Variants in CASZ1 observed in about 807,000 individuals in gnomAD.
The protein encoded by CASZ1 is zinc finger protein castor homolog 1.
Under a neutral mutation model 135.2 loss-of-function variants are expected in CASZ1, and 28 were observed. The observed-to-expected ratio is 0.21, with a 90% CI of 0.15 to 0.28. CASZ1 has a LOEUF of 0.28. CASZ1 is among the 10% of genes least tolerant of loss of function. The pLI, the probability that CASZ1 is intolerant of heterozygous loss-of-function variation, is 1.00. For synonymous variants in CASZ1, 1,068 were observed against 1,073.4 expected (o/e 0.99, Z 0.10); for missense variants, 2,161 against 2,453.3 (o/e 0.88, Z 2.52).
rs1286196992 is a variant in CASZ1, at chr1:10,758,333, T to C, written c.-77+2368A>G. On this transcript the variant is annotated intron_variant, in intron 2 of 20. Coordinates refer to ENST00000377022, the MANE Select transcript of CASZ1 (RefSeq NM_001079843.3). ...AGACCCTCTTCTCTCTCTCTCTTTT[T>C]TTTTTTTTTTTTTTTTGAGACAGAG... Among the ~76,000 whole-genome samples, 613 of 146,572 alleles carry C rather than the reference T, an allele frequency of 4.2e-3. 5 individuals are homozygous for C. The highest frequency in any genetic ancestry group is 0.031 in the East Asian group (156 of 4,996).
At chr1:10,743,345 G>A (rs1394450785) in intron 2 of CASZ1, among the ~76,000 whole-genome samples, 1 of 152,022 alleles carries the variant, frequency 6.6e-6, no homozygotes, top group Non-Finnish European at 1.5e-5. Flanking sequence ...CCCACGGTCG[G>A]AGAAGGAGAC....
chr1:10,764,887 T>A (rs1426200230), intron 1 of CASZ1, among the ~76,000 whole-genome samples: 1 of 152,178 alleles, frequency 6.6e-6, no homozygotes, highest in Non-Finnish European at 1.5e-5. Context: ...TGAACACATC[T>A]TCCAAATGGG....
chr1:10,718,322 C>T (rs149385036), intron 2 of CASZ1, among the ~76,000 whole-genome samples: 84 of 152,352 alleles, frequency 5.5e-4, no homozygotes, highest in African/African-American at 1.7e-3. Context: ...CCAGGCCCTG[C>T]GCCCACACAC....
intron 2 of CASZ1, among the ~76,000 whole-genome samples, chr1:10,734,175 C>A (rs1037242904): frequency 6.6e-6 from 1 of 151,972 alleles, no homozygotes; most frequent in Non-Finnish European, 1.5e-5. Flanking sequence ...TGGCAGCCGC[C>A]CCCCTTCCTG....
In CASZ1 at chr1:10,657,398, C is replaced by T. The variant is rs182618963; in HGVS notation, c.1410-662G>A. ...CCACTCTGGAGAGGCCACACCATGA[C>T]GACTGTGGAGAAGGGTGTGACTCAG... On this transcript the variant is annotated intron_variant, in intron 7 of 20. Coordinates refer to ENST00000377022, the MANE Select transcript of CASZ1 (RefSeq NM_001079843.3). The surrounding 1 kb of genome is among the most constrained non-coding windows in gnomAD (Gnocchi z 5.7). 8.9e-3 allele frequency among the ~76,000 whole-genome samples: 1,352 copies of T among 152,246 alleles called. 55 individuals are homozygous for T. Among genetic ancestry groups the T allele is most frequent in the Admixed American group, 0.067 (1,026 of 15,290 alleles).
rs1639468666 is a variant in CASZ1, at chr1:10,720,069, C to G, written c.-76-14525G>C. 6.6e-6 allele frequency among the ~76,000 whole-genome samples: 1 copy of G among 152,236 alleles called. No homozygotes were observed. The highest frequency in any genetic ancestry group is 1.5e-5 in the Non-Finnish European group (1 of 68,038). On this transcript the variant is annotated intron_variant, in intron 2 of 20. Transcript: ENST00000377022. This position sits in a 1 kb window ranked among gnomAD's most constrained non-coding sequence, Gnocchi z 5.7. Reference sequence around the variant, plus strand: ...CTGCTCTGCCCAGAGGCCCTGTGGCCTGGCCACAGAGAGCTTGGATCCGGC... The same window carrying G: ...CTGCTCTGCCCAGAGGCCCTGTGGCGTGGCCACAGAGAGCTTGGATCCGGC...
rs752702226 is a variant in CASZ1, at chr1:10,649,391, G to A, written c.2927C>T (p.Ala976Val). The A allele has an allele frequency of 2.5e-6, 4 of 1,610,480 alleles. No individual in the cohort carries two copies. The highest frequency in any genetic ancestry group is 2.2e-5 in the South Asian group (2 of 90,438). Residue 976 changes from alanine (A) to valine (V), a missense_variant, in exon 14 of 21, where the codon GCG becomes GTG. Ala to Val is a moderately conservative substitution (Grantham distance 64). Transcript: ENST00000377022. The stretch of plus-strand genomic sequence containing the variant: ...CGCAGCGGGGCTCCCCTCCGCTTCC[G>A]CCTTGATGTTCAGCAGGCTGCCCAG... ...PGLGSLLNIK[A>V]EAEGSPAAEP... is the part of the protein sequence containing the mutation.
intron 1 of CASZ1, among the ~76,000 whole-genome samples, chr1:10,775,467 A>G (rs1051194692): frequency 6.6e-6 from 1 of 152,012 alleles, no homozygotes; most frequent in Admixed American, 6.6e-5. Context: ...GGGGATTGAG[A>G]AAGTCCCGGC....
intron 1 of CASZ1, among the ~76,000 whole-genome samples, chr1:10,768,466 G>A (rs1640518306): frequency 6.6e-6 from 1 of 152,086 alleles, no homozygotes; most frequent in South Asian, 2.1e-4. Flanking sequence ...TAGCTGCCGG[G>A]CTCAGCCTCC....
Position 10,794,531 on chromosome 1 carries a change from C to T in CASZ1, c.-234+2033G>A, listed in dbSNP as rs1203204331. Among the ~76,000 whole-genome samples, 1 of 152,098 alleles carries T rather than the reference C, an allele frequency of 6.6e-6. No homozygotes were observed. Among genetic ancestry groups the T allele is most frequent in the African/African-American group, 2.4e-5 (1 of 41,428 alleles). On this transcript the variant is annotated intron_variant, in intron 1 of 20. Coordinates refer to ENST00000377022, the MANE Select transcript of CASZ1 (RefSeq NM_001079843.3). The surrounding 1 kb of genome is among the most constrained non-coding windows in gnomAD (Gnocchi z 5.6). ...TACTGCCGCTTTTCCGGTGGGCACG[C>T]ACCCGCACCCGCACCGTAGCCAGCG... is the stretch of plus-strand genomic sequence containing the variant.
At chr1:10,795,328 C>A (rs939256880) in intron 1 of CASZ1, among the ~76,000 whole-genome samples, 1 of 152,212 alleles carries the variant, frequency 6.6e-6, no homozygotes, top group Non-Finnish European at 1.5e-5. Flanking sequence ...GTGTTCCCTG[C>A]GCCCCCACAA....
intron 1 of CASZ1, among the ~76,000 whole-genome samples, chr1:10,780,770 C>T (rs1640749393): frequency 6.6e-6 from 1 of 152,076 alleles, no homozygotes; most frequent in African/African-American, 2.4e-5. Context: ...AGCGTTGGAA[C>T]CCTAGCTCTC....
In CASZ1 at chr1:10,686,195, C is replaced by T. The variant is rs115692802; in HGVS notation, c.16+7679G>A. Among the ~76,000 whole-genome samples the T allele has an allele frequency of 9.0e-3, 1,375 of 152,338 alleles. 18 individuals carry two copies. The highest frequency in any genetic ancestry group is 0.03 in the African/African-American group (1,228 of 41,578). On this transcript the variant is annotated intron_variant, in intron 4 of 20. Transcript: ENST00000377022. ...CCCTTGGCCGAACCACTGTACTCTTCCCTCTCAAGGTCACAGGGCCGTCCA... is the reference window on the plus strand; with the variant it reads ...CCCTTGGCCGAACCACTGTACTCTTTCCTCTCAAGGTCACAGGGCCGTCCA...
chr1:10,751,370 AGGGGCCAGAAGCCGACTTCT>A, intron 2 of CASZ1, among the ~76,000 whole-genome samples: 1 of 152,204 alleles, frequency 6.6e-6, no homozygotes, highest in African/African-American at 2.4e-5. Flanking sequence ...AGAAGCCGAC[AGGGGCCAGAAGCCGACTTCT>A]GGCCCCATCT....
At chr1:10,656,058 T>G (rs1311446312) in intron 8 of CASZ1, among the ~76,000 whole-genome samples, 1 of 152,186 alleles carries the variant, frequency 6.6e-6, no homozygotes, top group Admixed American at 6.5e-5. Context: ...CCAGTGGCCA[T>G]CCCCAGGAGC....
Position 10,646,122 on chromosome 1 carries a change from G to A in CASZ1, c.3696+6C>T. On this transcript the variant is annotated splice_donor_region_variant and intron_variant, in intron 17 of 20. Transcript: ENST00000377022. The surrounding 1 kb of genome is among the most constrained non-coding windows in gnomAD (Gnocchi z 6.4). ...CTGCCCCTGCGCCGTGTACCGCCATGCTGACCTGGTTGGGACAGAGACACT... is the reference window on the plus strand; with the variant it reads ...CTGCCCCTGCGCCGTGTACCGCCATACTGACCTGGTTGGGACAGAGACACT... 1 of 1,613,816 alleles carries A rather than the reference G, an allele frequency of 6.2e-7. No homozygotes were observed. The highest frequency in any genetic ancestry group is 1.3e-5 in the African/African-American group (1 of 75,030).
At chr1:10,687,194 C>T (rs1223642683) in intron 4 of CASZ1, among the ~76,000 whole-genome samples, 2 of 152,200 alleles carry the variant, frequency 1.3e-5, no homozygotes, top group East Asian at 1.9e-4. Flanking sequence ...CCCAAGGCCC[C>T]CTTAGATCAC....
At chr1:10,790,345 T>A (rs544271527) in intron 1 of CASZ1, among the ~76,000 whole-genome samples, 10 of 152,270 alleles carry the variant, frequency 6.6e-5, no homozygotes, top group Admixed American at 6.5e-4. Context: ...GAAGAACAGA[T>A]CCTAATGAAA....
rs1570389527 is a variant in CASZ1 at position 10,639,294 on chromosome 1, A to G, written c.4928T>C (p.Leu1643Pro). 1 of 1,285,818 alleles carries G rather than the reference A, an allele frequency of 7.8e-7. No individual in the cohort carries two copies. The highest frequency in any genetic ancestry group is 2.0e-5 in the South Asian group (1 of 49,346). The allele number at this position is 1,285,818 out of a possible 1,614,324, so 79.7% of individuals were successfully genotyped here. A position where few individuals can be genotyped will look rare whatever the true frequency, so the allele number is the denominator to read the frequency against. The change falls in exon 21 of 21, where the codon CTG becomes CCG. Residue 1643 changes from leucine (L) to proline (P), a missense_variant. Transcript: ENST00000377022. This position sits in a 1 kb window ranked among gnomAD's most constrained non-coding sequence, Gnocchi z 4.0. ...CGGGCCGGGGTCGCCCGCGTCGCCC[A>G]GCGCCAGGCCCAGGCCGGCGGCCGC... The part of the protein sequence containing the change: ...QSAAAGLGLA[L>P]GDAGDPGPPD...
Sources: allele counts gnomAD v4.1 joint callset (sites outside exome capture counted in the v4.1 genomes callset), GRCh38; gene constraint gnomAD v4.1.1; non-coding constraint Gnocchi (gnomAD v3.1); transcripts MANE v1.5; gene names NCBI Gene and HGNC (gene_info 2026-07-23, HGNC 2026-07-21).